Variants in USP32 observed in about 807,000 individuals in gnomAD.
USP32 encodes the protein ubiquitin carboxyl-terminal hydrolase 32.
Under a neutral mutation model 204.8 loss-of-function variants are expected in USP32, and 59 were observed. That is an observed-to-expected ratio of 0.29 (90% CI 0.23 to 0.36). The LOEUF is 0.36. Among genes scored for constraint, USP32 ranks in the 10% least tolerant of loss-of-function variants. The pLI is 1.00. For synonymous variants in USP32, 517 were observed against 678.4 expected (o/e 0.76, Z 3.70); for missense variants, 1,160 against 1,946.4 (o/e 0.60, Z 7.60).
intron 1 of USP32, among the ~76,000 whole-genome samples, chr17:60,382,473 A>G (rs1174472363): frequency 2.6e-5 from 4 of 152,344 alleles, no homozygotes; most frequent in Middle Eastern, 6.8e-3. Context: ...AACTATGTGC[A>G]TATACCATTG....
At position 60,272,095 on chromosome 17, in the gene USP32, G is replaced by C. The variant is rs1598175779; in HGVS notation, c.572-614C>G. ...TTCCCAAAGTGTTGGGATTATAGGT[G>C]TGAGCCACTGTGCTCAGCCATTTTT... is the stretch of plus-strand genomic sequence containing the variant. On this transcript the variant is annotated intron_variant, in intron 5 of 33. Coordinates refer to ENST00000300896, the MANE Select transcript of USP32 (RefSeq NM_032582.4). Among the ~76,000 whole-genome samples the C allele has an allele frequency of 1.1e-4, 16 of 152,262 alleles. No homozygotes were observed. The South Asian group carries it at 3.3e-3, about 32-fold the overall frequency.
chr17:60,279,317 C>G (rs1445892739), intron 5 of USP32, among the ~76,000 whole-genome samples: 1 of 151,688 alleles, frequency 6.6e-6, no homozygotes, highest in African/African-American at 2.4e-5. Flanking sequence ...GATCCCATCT[C>G]TACAAATAAT....
intron 1 of USP32, among the ~76,000 whole-genome samples, chr17:60,355,520 A>AAT (rs1302763500): frequency 3.9e-5 from 6 of 152,162 alleles, no homozygotes; most frequent in African/African-American, 1.4e-4. Flanking sequence ...AGAACTCTAG[A>AAT]AATCAACCAA....
intron 21 of USP32, among the ~76,000 whole-genome samples, 188 bp from the exon 22 acceptor site, chr17:60,209,731 CA>C (rs2084912078): frequency 6.6e-6 from 1 of 151,838 alleles, no homozygotes; most frequent in Non-Finnish European, 1.5e-5. Flanking sequence ...TGACCCCCCC[CA>C]AAAAAAGAGA....
chr17:60,416,344 A>G (rs1036469054), intron 1 of USP32, among the ~76,000 whole-genome samples: 3 of 152,146 alleles, frequency 2.0e-5, no homozygotes, highest in African/African-American at 4.8e-5. Flanking sequence ...TCCATCACAT[A>G]TACTAGGGGA....
At chr17:60,346,935 G>A (rs2088800354) in intron 1 of USP32, among the ~76,000 whole-genome samples, 1 of 152,200 alleles carries the variant, frequency 6.6e-6, no homozygotes, top group South Asian at 2.1e-4. Flanking sequence ...GCAAGACCAA[G>A]TCACAGAGAC....
intron 1 of USP32, among the ~76,000 whole-genome samples, chr17:60,347,440 G>A (rs1045490305): frequency 6.0e-5 from 9 of 150,310 alleles, no homozygotes; most frequent in Non-Finnish European, 1.0e-4. Context: ...TGCAAGCTCC[G>A]CCTCCCAGGT....
chr17:60,185,409 C>G (rs769571694), intron 30 of USP32, 51 bp downstream of exon 30: 1 of 1,494,166 alleles, frequency 6.7e-7, no homozygotes, highest in Non-Finnish European at 9.0e-7. Context: ...TTCATGTCTT[C>G]TTTCTTTTAT....
At chr17:60,352,300 A>G (rs981375539) in intron 1 of USP32, among the ~76,000 whole-genome samples, 1 of 152,170 alleles carries the variant, frequency 6.6e-6, no homozygotes, top group Admixed American at 6.6e-5. Context: ...GCACTTAGAT[A>G]TACAATGGCT....
intron 2 of USP32, among the ~76,000 whole-genome samples, chr17:60,325,972 CAAAAAAA>C (rs374347100): frequency 1.7e-4 from 10 of 58,300 alleles, no homozygotes; most frequent in African/African-American, 3.5e-4. Context: ...GACTCTGTCT[CAAAAAAA>C]AAAAAAAAAA....
At chr17:60,259,705 T>C (rs1342596783) in intron 9 of USP32, among the ~76,000 whole-genome samples, 1 of 152,212 alleles carries the variant, frequency 6.6e-6, no homozygotes. Context: ...GTAGGAGGTG[T>C]TCCTTATAAT....
At chr17:60,213,940 T>C (rs1466336105) in intron 17 of USP32, among the ~76,000 whole-genome samples, 4 of 151,760 alleles carry the variant, frequency 2.6e-5, no homozygotes, top group African/African-American at 9.7e-5. Context: ...TACGTTTTGT[T>C]TTTTGTTTTT....
At chr17:60,257,842 T>C (rs2086352700) in intron 9 of USP32, among the ~76,000 whole-genome samples, 1 of 152,104 alleles carries the variant, frequency 6.6e-6, no homozygotes, top group African/African-American at 2.4e-5. Flanking sequence ...CAAGGAGTTC[T>C]GCTGGTTATC....
chr17:60,339,809 T>A (rs889428260), intron 2 of USP32, among the ~76,000 whole-genome samples: 5 of 152,164 alleles, frequency 3.3e-5, no homozygotes, highest in African/African-American at 1.2e-4. Context: ...AAAGTGGTTA[T>A]CCTTTTTAAG....
At chr17:60,202,240 G>T (rs1217089274) in intron 26 of USP32, among the ~76,000 whole-genome samples, 3 of 152,008 alleles carry the variant, frequency 2.0e-5, no homozygotes, top group Non-Finnish European at 4.4e-5. Context: ...TGGTTTCTGG[G>T]CTCTCTATTC....
intron 2 of USP32, among the ~76,000 whole-genome samples, chr17:60,327,909 C>T (rs1158347989): frequency 2.6e-5 from 4 of 152,246 alleles, no homozygotes; most frequent in Admixed American, 6.5e-5. Flanking sequence ...CACCTCAGCC[C>T]GCTTTGGACT....
chr17:60,293,238 GC>G (rs1440521236), intron 4 of USP32, among the ~76,000 whole-genome samples: 4 of 152,112 alleles, frequency 2.6e-5, no homozygotes, highest in African/African-American at 9.7e-5. Flanking sequence ...GTACTGGGTA[GC>G]CAACCACCCT....
At chr17:60,400,668 GA>G (rs1420922156) in intron 1 of USP32, among the ~76,000 whole-genome samples, 1 of 152,176 alleles carries the variant, frequency 6.6e-6, no homozygotes, top group East Asian at 1.9e-4. Flanking sequence ...TCTGAAGTTA[GA>G]AAAGGTACAG....
intron 1 of USP32, among the ~76,000 whole-genome samples, chr17:60,414,936 C>T (rs773859656): frequency 3.3e-5 from 5 of 151,588 alleles, no homozygotes; most frequent in Non-Finnish European, 5.9e-5. Context: ...CTGCAACCTA[C>T]GGTCTCCCGG....
Sources: gnomAD v4.1 joint callset for allele counts (sites outside exome capture counted in the v4.1 genomes callset) on GRCh38, gnomAD v4.1.1 for gene constraint, MANE v1.5 for transcripts, NCBI Gene and HGNC (gene_info 2026-07-23, HGNC 2026-07-21) for gene names.